The following PSG1 variants were observed in gnomAD, a reference collection of about 807,000 sequenced individuals.
PSG1 encodes the protein pregnancy specific beta-1-glycoprotein 1.
A neutral mutation model predicts 41.4 loss-of-function variants in PSG1; 60 were observed. That is an observed-to-expected ratio of 1.45 (90% CI 1.18 to 1.80). The LOEUF (loss-of-function observed/expected upper bound fraction) is 1.80, where lower values mean the gene tolerates loss of function less well. Among genes scored for constraint, PSG1 ranks in the 40% most tolerant of loss-of-function variants. The pLI, the probability that PSG1 is intolerant of heterozygous loss-of-function variation, is 0.00. For missense variants in PSG1, 806 were observed against 516.9 expected (o/e 1.56, Z -5.42); for synonymous variants, 256 against 192.9 (o/e 1.33, Z -2.71).
rs1058690 is a variant in PSG1 at position 42,871,893 on chromosome 19, G to T, written c.583C>A (p.Leu195Met). ...AAGAGGGTCCTGTTGGTTTCGGACA[G>T]CTTCAAGCTGTGAGTCATAGGGAGG... ...QSLPMTHSLK[L>M]SETNRTLFLL... The change falls in exon 3 of 6, where the codon CTG becomes ATG. Residue 195 changes from leucine (L) to methionine (M), a missense_variant. Physicochemically the swap from Leu to Met is conservative, Grantham distance 15. Transcript: ENST00000436291. 1.2e-6 allele frequency: 2 copies of T among 1,612,340 alleles called. No individual in the cohort carries two copies. The highest frequency in any genetic ancestry group is 2.7e-5 in the African/African-American group (2 of 74,630).
chr19:42,874,012 T>C lies in PSG1; in HGVS notation c.431-1967A>G, dbSNP rs189147834. On this transcript the variant is annotated intron_variant, in intron 2 of 5. Transcript: ENST00000436291. ...CCAACTTATGAAAATGACATCATCA[T>C]GAGGAAACAGTTATAGGTGGCACAG... 2 of 151,732 alleles carry C rather than the reference T, an allele frequency of 1.3e-5. 1 individual carries two copies. The highest frequency in any genetic ancestry group is 3.9e-4 in the East Asian group (2 of 5,154). 9.4% of individuals were successfully genotyped at this position (151,732 alleles called of 1,614,324 possible). A position where few individuals can be genotyped will look rare whatever the true frequency, so the allele number is the denominator to read the frequency against.
At chr19:42,869,069 G>A (rs767333592) in intron 3 of PSG1, 35 bp from the exon 4 acceptor site, 2 of 1,596,496 alleles carry the variant, frequency 1.3e-6, no homozygotes, top group Non-Finnish European at 1.7e-6. Context: ...TGTCCTGTGT[G>A]GCACCTTTGA....
chr19:42,867,768 A>T (rs747445770), intron 5 of PSG1: 2 of 983,504 alleles, frequency 2.0e-6, no homozygotes, highest in South Asian at 2.8e-5. Context: ...TAAAAGAGAA[A>T]AATTCCATCA....
At position 42,878,175 on chromosome 19, in the gene PSG1, G is replaced by C. The variant is rs1417063866; in HGVS notation, c.168C>G (p.His56Gln). 3 of 1,612,274 alleles carry C rather than the reference G, an allele frequency of 1.9e-6. No homozygotes were observed. Among genetic ancestry groups the C allele is most frequent in the South Asian group, 2.2e-5 (2 of 90,790 alleles). The change falls in exon 2 of 6, where the codon CAC becomes CAG. Residue 56 changes from histidine (H) to glutamine (Q), a missense_variant. Transcript: ENST00000436291. ...SEGKDVLLLV[H>Q]NLPQNLTGYI... ...AGCCGGTAAGATTCTGGGGCAAATT[G>C]TGGACAAGTAGAAGAACATCCTTCC...
At chr19:42,878,706 G>C (rs190775782) in intron 1 of PSG1, among the ~76,000 whole-genome samples, 21 of 149,072 alleles carry the variant, frequency 1.4e-4, no homozygotes, top group African/African-American at 3.5e-4. Context: ...CAGGGTTCTT[G>C]TCAACACCTG....
intron 5 of PSG1, 199 bp downstream of exon 5, chr19:42,867,902 A>T: frequency 2.0e-6 from 3 of 1,477,422 alleles, no homozygotes; most frequent in African/African-American, 1.4e-5. Flanking sequence ...CTAGGCTGGG[A>T]ATATTATGAA....
At chr19:42,873,598 A>C (rs1306716147) in intron 2 of PSG1, among the ~76,000 whole-genome samples, 3 of 151,692 alleles carry the variant, frequency 2.0e-5, no homozygotes, top group African/African-American at 4.8e-5. Flanking sequence ...TTGAGACCAA[A>C]ATAAGGTTTA....
intron 3 of PSG1, chr19:42,870,348 T>G (rs1480354938): frequency 4.0e-5 from 6 of 151,780 alleles, no homozygotes; most frequent in Admixed American, 2.6e-4. Flanking sequence ...CAGCATCAGA[T>G]TAGTAGGCAA....
intron 2 of PSG1, among the ~76,000 whole-genome samples, chr19:42,877,052 A>T (rs1971637567): frequency 6.6e-6 from 1 of 151,664 alleles, no homozygotes; most frequent in Non-Finnish European, 1.5e-5. Flanking sequence ...TTTTCATGCT[A>T]TCTGTGAATA....
chr19:42,867,820 A>G (rs1486809132), intron 5 of PSG1: 1 of 1,288,154 alleles, frequency 7.8e-7, no homozygotes, highest in African/African-American at 1.5e-5. Flanking sequence ...AAATTTTCAA[A>G]TAAAAATCAT....
intron 2 of PSG1, chr19:42,874,218 T>G (rs183190746): frequency 6.6e-6 from 1 of 151,784 alleles, no homozygotes; most frequent in Non-Finnish European, 1.5e-5. Flanking sequence ...CCACTTTTTT[T>G]CCCCACTCTT....
intron 5 of PSG1, chr19:42,867,761 AAG>A: frequency 1.1e-6 from 1 of 946,816 alleles, no homozygotes. Flanking sequence ...GATAGATTAA[AAG>A]AGAAAAATTC....
intron 2 of PSG1, among the ~76,000 whole-genome samples, chr19:42,877,393 C>A (rs1210160692): frequency 1.3e-5 from 2 of 151,556 alleles, no homozygotes; most frequent in Admixed American, 1.3e-4. Context: ...TGAACAGCTC[C>A]AGGAGACACA....
chr19:42,875,852 A>G (rs1971581485), intron 2 of PSG1, among the ~76,000 whole-genome samples: 1 of 136,404 alleles, frequency 7.3e-6, no homozygotes, highest in African/African-American at 2.7e-5. Context: ...GCAGGAGGCC[A>G]GAGGAACTTG....
At position 42,878,524 on chromosome 19, in the gene PSG1, T is replaced by C. The variant is rs1289376846; in HGVS notation, c.65-246A>G. ...GCATGACGCCCATTCCTTCAACACTTCTGACGTTGGCATTTTTCTGTTTGG... is the reference window on the plus strand; with the variant it reads ...GCATGACGCCCATTCCTTCAACACTCCTGACGTTGGCATTTTTCTGTTTGG... On this transcript the variant is annotated intron_variant, in intron 1 of 5. Transcript: ENST00000436291. 7.9e-5 allele frequency: 50 copies of C among 629,556 alleles called. 1 individual carries two copies. The highest frequency in any genetic ancestry group is 4.4e-4 in the Admixed American group (12 of 27,508). 39.0% of individuals were successfully genotyped at this position (629,556 alleles called of 1,614,324 possible).
intron 5 of PSG1, chr19:42,867,534 C>A: frequency 1.6e-6 from 1 of 610,302 alleles, no homozygotes; most frequent in Admixed American, 3.4e-5. Context: ...ATATAACATC[C>A]GAATCAAAGC....
chr19:42,867,122 T>A lies in PSG1; in HGVS notation c.*12A>T, dbSNP rs370297551. The A allele has an allele frequency of 4.4e-5, 34 of 771,796 alleles. No homozygotes were observed. The highest frequency in any genetic ancestry group is 2.5e-4 in the African/African-American group (15 of 58,862). 47.8% of individuals were successfully genotyped at this position (771,796 alleles called of 1,614,324 possible). ...CCATGGGAGAAAATGGAATTGGAGG[T>A]ACTAGTAGAATTCAGGGAACTGTCC... On this transcript the variant is annotated 3_prime_UTR_variant, in exon 6 of 6. Coordinates refer to ENST00000436291, the MANE Select transcript of PSG1 (RefSeq NM_001184825.2).
chr19:42,869,629 G>T (rs564950025), intron 3 of PSG1: 1 of 157,392 alleles, frequency 6.4e-6, no homozygotes, highest in African/African-American at 2.4e-5. Context: ...AGGTGGGGCA[G>T]TTTTTTGCAG....
intron 5 of PSG1, 100 bp from the exon 6 acceptor site, chr19:42,867,250 G>A: frequency 1.3e-6 from 1 of 741,172 alleles, no homozygotes; most frequent in East Asian, 2.5e-5. Flanking sequence ...TTCCCTCTAT[G>A]GGCATCTCTA....
Sources: allele counts gnomAD v4.1 joint callset (sites outside exome capture counted in the v4.1 genomes callset), GRCh38; gene constraint gnomAD v4.1.1; transcripts MANE v1.5; gene names NCBI Gene and HGNC (gene_info 2026-07-23, HGNC 2026-07-21).